Variants in PCDHA6 observed in about 807,000 individuals in gnomAD.
The protein encoded by PCDHA6 is protocadherin alpha 6.
PCDHA6 carries 55 observed loss-of-function variants against 60.3 expected under a neutral mutation model. That is an observed-to-expected ratio of 0.91 (90% CI 0.73 to 1.14). PCDHA6 has a LOEUF of 1.14. PCDHA6 is among the 50% of genes most tolerant of loss of function. The probability of loss-of-function intolerance (pLI) is 0.00; values close to 1 mark genes in which losing one functional copy is unlikely to be tolerated. For synonymous variants in PCDHA6, 652 were observed against 557.9 expected (o/e 1.17, Z -2.38); for missense variants, 1,327 against 1,256.5 (o/e 1.06, Z -0.85).
rs2044015236 is a variant in PCDHA6, at chr5:140,856,467, C to T, written c.2394+25982C>T. On this transcript the variant is annotated intron_variant, in intron 1 of 3. Coordinates refer to ENST00000529310, the MANE Select transcript of PCDHA6 (RefSeq NM_018909.4). ...TTCTCCGTAACAGAACAAAAGCTCTCAATACCTGAATCCAGACTGCTTGAC... is the reference window on the plus strand; with the variant it reads ...TTCTCCGTAACAGAACAAAAGCTCTTAATACCTGAATCCAGACTGCTTGAC... 5 of 1,598,208 alleles carry T rather than the reference C, an allele frequency of 3.1e-6. 1 individual carries two copies. Among genetic ancestry groups the T allele is most frequent in the Non-Finnish European group, 4.3e-6 (5 of 1,167,910 alleles).
intron 1 of PCDHA6, among the ~76,000 whole-genome samples, chr5:140,846,525 C>T (rs140986120): frequency 1.3e-5 from 2 of 148,378 alleles, no homozygotes; most frequent in East Asian, 3.9e-4. Context: ...CAGGTGCATG[C>T]CACCATGCCC....
At chr5:140,908,180 T>C (rs2073846080) in intron 1 of PCDHA6, among the ~76,000 whole-genome samples, 2 of 152,298 alleles carry the variant, frequency 1.3e-5, no homozygotes, top group East Asian at 3.9e-4. Context: ...AGCTGTCCAC[T>C]TTCAGGTGGT....
chr5:140,850,305 A>G lies in PCDHA6; in HGVS notation c.2394+19820A>G, dbSNP rs145743353. ...CGCAGTGGACGCCGACTCGGGCTAC[A>G]ACGCGTGGCTTTCATACGAGCTGCA... On this transcript the variant is annotated intron_variant, in intron 1 of 3. Transcript: ENST00000529310. 1.9e-5 allele frequency: 30 copies of G among 1,596,858 alleles called. 3 individuals carry two copies. Among genetic ancestry groups the G allele is most frequent in the Non-Finnish European group, 2.5e-5 (29 of 1,167,642 alleles).
chr5:140,988,418 G>T (rs1372180292), intron 3 of PCDHA6, among the ~76,000 whole-genome samples: 2 of 152,150 alleles, frequency 1.3e-5, no homozygotes, highest in Non-Finnish European at 2.9e-5. Context: ...CTTATGTAAA[G>T]AATTTGTTTG....
chr5:140,895,881 G>A (rs1004872677), intron 1 of PCDHA6, among the ~76,000 whole-genome samples: 22 of 152,176 alleles, frequency 1.4e-4, no homozygotes, highest in East Asian at 1.9e-4. Flanking sequence ...GCGCGATCTC[G>A]GCTCACTGCA....
At chr5:140,961,347 T>TTGAGAGACCAA (rs2095606709) in intron 1 of PCDHA6, among the ~76,000 whole-genome samples, 1 of 152,216 alleles carries the variant, frequency 6.6e-6, no homozygotes, top group South Asian at 2.1e-4. Flanking sequence ...AGTGGATCCC[T>TTGAGAGACCAA]GTAGTCCCCA....
In PCDHA6 at chr5:141,010,237, G is replaced by C; in HGVS notation, c.*300G>C. 2.6e-6 allele frequency: 4 copies of C among 1,551,914 alleles called. No individual in the cohort carries two copies. The highest frequency in any genetic ancestry group is 3.5e-6 in the Non-Finnish European group (4 of 1,147,042). On this transcript the variant is annotated 3_prime_UTR_variant, in exon 4 of 4. Coordinates refer to ENST00000529310, the MANE Select transcript of PCDHA6 (RefSeq NM_018909.4). ...AGAGGCTTCCCAGCCCCGCCAGTGA[G>C]AGGTTGGACTCTCTGCCCTGTGCTC...
At chr5:140,941,651 T>C (rs2093139674) in intron 1 of PCDHA6, among the ~76,000 whole-genome samples, 3 of 152,120 alleles carry the variant, frequency 2.0e-5, no homozygotes, top group Admixed American at 6.6e-5. Context: ...CTACAACTTA[T>C]GTCCAATTTT....
At chr5:140,984,968 C>T (rs1380988893) in intron 3 of PCDHA6, among the ~76,000 whole-genome samples, 1 of 151,950 alleles carries the variant, frequency 6.6e-6, no homozygotes, top group South Asian at 2.1e-4. Flanking sequence ...GACAGAGTCT[C>T]GCTCTGTCCC....
At position 140,870,413 on chromosome 5, in the gene PCDHA6, C is replaced by G. The variant is rs200037363; in HGVS notation, c.2394+39928C>G. ...GGGGGTTCGCCTTCTCTGTGGGCCA[C>G]GGCCAGGGTATCCGTGGAGGTGGCC... On this transcript the variant is annotated intron_variant, in intron 1 of 3. Transcript: ENST00000529310. The G allele has an allele frequency of 7.6e-5, 123 of 1,614,124 alleles. No individual in the cohort carries two copies. In the African/African-American group the frequency reaches 1.6e-3, roughly 21 times the overall value.
At position 140,878,940 on chromosome 5, in the gene PCDHA6, A is replaced by G. The variant is rs554609702; in HGVS notation, c.2394+48455A>G. ...CTTCAATCAATAATTTTAAATAAATATATGGTATTGAAATGTATTACCTGG... is the reference window on the plus strand; with the variant it reads ...CTTCAATCAATAATTTTAAATAAATGTATGGTATTGAAATGTATTACCTGG... On this transcript the variant is annotated intron_variant, in intron 1 of 3. Transcript: ENST00000529310. 9.8e-5 allele frequency among the ~76,000 whole-genome samples: 15 copies of G among 152,366 alleles called. No individual in the cohort carries two copies. In the East Asian group the frequency reaches 2.3e-3, roughly 23 times the overall value.
At chr5:140,883,237 T>C in intron 1 of PCDHA6, 2 of 1,614,044 alleles carry the variant, frequency 1.2e-6, no homozygotes, top group Non-Finnish European at 1.7e-6. Context: ...TGGAGGCAGT[T>C]GACAAAGGAA....
At chr5:140,877,921 T>C (rs2153357057) in intron 1 of PCDHA6, 1 of 1,422,868 alleles carries the variant, frequency 7.0e-7, no homozygotes, top group South Asian at 1.6e-5. Context: ...CTCATTTTTC[T>C]TTATGATTCT....
At chr5:140,991,409 T>C (rs1554252146) in intron 3 of PCDHA6, among the ~76,000 whole-genome samples, 2 of 152,232 alleles carry the variant, frequency 1.3e-5, no homozygotes, top group Non-Finnish European at 1.5e-5. Flanking sequence ...TTTCCCATTA[T>C]GCTATAACAA....
intron 1 of PCDHA6, chr5:140,876,187 G>A (rs1554168344): frequency 1.9e-6 from 3 of 1,613,842 alleles, no homozygotes; most frequent in African/African-American, 2.7e-5. Context: ...GAATGACAAT[G>A]GTCCGGCGTT....
At chr5:140,954,781 T>A (rs1312700733) in intron 1 of PCDHA6, among the ~76,000 whole-genome samples, 1 of 152,208 alleles carries the variant, frequency 6.6e-6, no homozygotes, top group Non-Finnish European at 1.5e-5. Flanking sequence ...TTTAATTAGA[T>A]CTCATTTGTC....
intron 1 of PCDHA6, among the ~76,000 whole-genome samples, chr5:140,885,718 C>T (rs2060696401): frequency 6.6e-6 from 1 of 152,124 alleles, no homozygotes; most frequent in South Asian, 2.1e-4. Flanking sequence ...CTAATGTGAT[C>T]TCTGTGAAAT....
chr5:140,948,276 G>A (rs375889469), intron 1 of PCDHA6, among the ~76,000 whole-genome samples: 1 of 151,520 alleles, frequency 6.6e-6, no homozygotes, highest in East Asian at 1.9e-4. Context: ...TAGAATATCT[G>A]TAAATAATTT....
At chr5:140,924,891 T>C (rs549129193) in intron 1 of PCDHA6, among the ~76,000 whole-genome samples, 1 of 88,410 alleles carries the variant, frequency 1.1e-5, no homozygotes, top group African/African-American at 5.1e-5. Context: ...CAAGAACCTG[T>C]CTCAAAAAAA....
Sources: allele counts gnomAD v4.1 joint callset (sites outside exome capture counted in the v4.1 genomes callset), GRCh38; gene constraint gnomAD v4.1.1; transcripts MANE v1.5; gene names NCBI Gene and HGNC (gene_info 2026-07-23, HGNC 2026-07-21).